The following PTPRQ variants were observed in gnomAD, a reference collection of about 807,000 sequenced individuals.
PTPRQ encodes phosphatidylinositol phosphatase PTPRQ.
Under a neutral mutation model 246.0 loss-of-function variants are expected in PTPRQ, and 199 were observed. The ratio of observed to expected loss-of-function variants is 0.81; its 90% CI spans 0.72 to 0.91. The LOEUF (loss-of-function observed/expected upper bound fraction) is 0.91. Ranked by LOEUF, PTPRQ falls within the 40% of genes least tolerant of loss-of-function variation. The pLI is 0.00. For missense variants in PTPRQ, 2,624 were observed against 2,528.4 expected (o/e 1.04, Z -0.81); for synonymous variants, 869 against 853.2 (o/e 1.02, Z -0.32).
chr12:80,619,069 T>C, intron 30 of PTPRQ, among the ~76,000 whole-genome samples: 1 of 151,604 alleles, frequency 6.6e-6, no homozygotes, highest in South Asian at 2.1e-4. Flanking sequence ...AAAGTAAATA[T>C]GTTTATGCAT....
chr12:80,595,882 G>T (rs544106042), intron 26 of PTPRQ, among the ~76,000 whole-genome samples: 178 of 151,882 alleles, frequency 1.2e-3, no homozygotes, highest in African/African-American at 4.2e-3. Flanking sequence ...ATTAACATAA[G>T]AAATATAAAT....
intron 6 of PTPRQ, among the ~76,000 whole-genome samples, chr12:80,462,206 G>T (rs1383822950): frequency 3.3e-5 from 5 of 152,062 alleles, no homozygotes; most frequent in African/African-American, 4.8e-5. Context: ...CACACCAGGA[G>T]ATTATATCCT....
chr12:80,635,037 T>G lies in PTPRQ; in HGVS notation c.5879T>G (p.Val1960Gly). The G allele has an allele frequency of 1.3e-6, 2 of 1,551,302 alleles. No homozygotes were observed. The highest frequency in any genetic ancestry group is 8.7e-7 in the Non-Finnish European group (1 of 1,146,788). ...TKLKLDQLIT[V>G]ADLELKDERL... Reference sequence around the variant, plus strand: ...TTGAAGCTGGATCAGCTCATCACAGTGGCAGACCTGGAACTGAAGGACGAG... The same window carrying G: ...TTGAAGCTGGATCAGCTCATCACAGGGGCAGACCTGGAACTGAAGGACGAG... The change falls in exon 35 of 45, where the codon GTG (valine) becomes GGG (glycine). Residue 1960 changes from valine (V) to glycine (G), a missense_variant. Coordinates refer to ENST00000644991, the MANE Select transcript of PTPRQ (RefSeq NM_001145026.2).
chr12:80,501,550 C>A (rs1004008704), intron 14 of PTPRQ, among the ~76,000 whole-genome samples: 1 of 151,800 alleles, frequency 6.6e-6, no homozygotes. Flanking sequence ...TAATTTGGAG[C>A]CTCACCACAT....
At chr12:80,550,337 A>G (rs1896436923) in intron 25 of PTPRQ, among the ~76,000 whole-genome samples, 1 of 152,106 alleles carries the variant, frequency 6.6e-6, no homozygotes, top group East Asian at 1.9e-4. Flanking sequence ...TTCTTTCCTG[A>G]TAACACCACT....
At chr12:80,501,793 T>C (rs1210479524) in intron 14 of PTPRQ, among the ~76,000 whole-genome samples, 1 of 151,998 alleles carries the variant, frequency 6.6e-6, no homozygotes, top group African/African-American at 2.4e-5. Flanking sequence ...TTATTCCCTA[T>C]GTCACATGCT....
At chr12:80,612,961 T>C (rs528307641) in intron 28 of PTPRQ, among the ~76,000 whole-genome samples, 52 of 150,646 alleles carry the variant, frequency 3.5e-4, no homozygotes, top group African/African-American at 1.2e-3. Context: ...ATTAGTGTTG[T>C]GAAGAAGCAT....
At chr12:80,542,539 C>G (rs1443579342) in intron 22 of PTPRQ, among the ~76,000 whole-genome samples, 175 bp downstream of exon 22, 1 of 151,920 alleles carries the variant, frequency 6.6e-6, no homozygotes, top group Non-Finnish European at 1.5e-5. Context: ...ATTTCCTGTT[C>G]TGTTTAAAGC....
chr12:80,527,905 G>C (rs192059983), intron 17 of PTPRQ, among the ~76,000 whole-genome samples: 1 of 152,256 alleles, frequency 6.6e-6, no homozygotes, highest in Admixed American at 6.5e-5. Context: ...ATCAGCCTGG[G>C]CACCATGGTG....
chr12:80,595,288 G>C (rs192490137), intron 26 of PTPRQ, among the ~76,000 whole-genome samples: 1 of 151,902 alleles, frequency 6.6e-6, no homozygotes, highest in African/African-American at 2.4e-5. Flanking sequence ...ATAGCCAGCC[G>C]CGCATGTCTT....
intron 33 of PTPRQ, among the ~76,000 whole-genome samples, chr12:80,628,683 A>T (rs1359159012): frequency 2.0e-5 from 3 of 152,190 alleles, no homozygotes; most frequent in Non-Finnish European, 4.4e-5. Context: ...AGACCGTGGA[A>T]TAGTTTTGTA....
chr12:80,476,805 G>C (rs751584966), intron 8 of PTPRQ, among the ~76,000 whole-genome samples: 1 of 151,974 alleles, frequency 6.6e-6, no homozygotes, highest in African/African-American at 2.4e-5. Context: ...TGATAATAAG[G>C]GATCATAATT....
chr12:80,558,049 C>T (rs12818796), intron 25 of PTPRQ, among the ~76,000 whole-genome samples: 15,034 of 150,818 alleles, frequency 0.1, 1,758 homozygotes, highest in African/African-American at 0.28. Flanking sequence ...CTCTCTTTCT[C>T]CCTTCCTCCC....
chr12:80,607,461 T>TCCTTCCTC (rs1555205013), intron 27 of PTPRQ, among the ~76,000 whole-genome samples: 95 of 139,826 alleles, frequency 6.8e-4, no homozygotes, highest in African/African-American at 2.2e-3. Context: ...CTTCCTTCCT[T>TCCTTCCTC]CCTCCCTCCC....
chr12:80,552,646 TATATATA>T (rs1168963237), intron 25 of PTPRQ, among the ~76,000 whole-genome samples: 2 of 622 alleles, frequency 3.2e-3, no homozygotes, highest in Non-Finnish European at 5.5e-3. Context: ...AAAAAAAAAT[TATATATA>T]TATATATATA....
rs1555197974 is a variant in PTPRQ at position 80,558,111 on chromosome 12, T to TTTC, written c.4285+8379_4285+8380insCTT. Among the ~76,000 whole-genome samples the TTTC allele has an allele frequency of 1.3e-4, 17 of 131,060 alleles. 1 individual carries two copies. Among genetic ancestry groups the TTTC allele is most frequent in the African/African-American group, 4.7e-4 (15 of 32,138 alleles). The allele number at this position is 131,060 out of a possible 152,430, so 86.0% of individuals were successfully genotyped here. ...CCCTCCCTCCCTCCTTTCTTCTTTC[T>TTTC]TTTCTTTCTTTCTTTTCTTTTCTTT... is the stretch of plus-strand genomic sequence containing the variant. On this transcript the variant is annotated intron_variant, in intron 25 of 44. Transcript: ENST00000644991.
chr12:80,664,811 G>C (rs1262967337), intron 39 of PTPRQ, among the ~76,000 whole-genome samples: 1 of 151,946 alleles, frequency 6.6e-6, no homozygotes, highest in Non-Finnish European at 1.5e-5. Flanking sequence ...TGACTTTTCA[G>C]CAGCTCTGAC....
At chr12:80,547,884 G>T (rs974493044) in intron 24 of PTPRQ, among the ~76,000 whole-genome samples, 4 of 152,060 alleles carry the variant, frequency 2.6e-5, no homozygotes, top group African/African-American at 9.7e-5. Flanking sequence ...CCATTCCCAT[G>T]TTACAGATGA....
intron 26 of PTPRQ, among the ~76,000 whole-genome samples, chr12:80,590,348 G>C (rs1897752322): frequency 6.6e-6 from 1 of 151,990 alleles, no homozygotes; most frequent in Non-Finnish European, 1.5e-5. Context: ...TCAACCTAAA[G>C]CAGATGATGT....
Sources: allele counts gnomAD v4.1 joint callset (sites outside exome capture counted in the v4.1 genomes callset), GRCh38; gene constraint gnomAD v4.1.1; transcripts MANE v1.5; gene names NCBI Gene and HGNC (gene_info 2026-07-23, HGNC 2026-07-21).